ALDH5A1: variants seen among roughly 807,000 people sequenced by gnomAD.
ALDH5A1 encodes aldehyde dehydrogenase 5 family member A1.
Under a neutral mutation model 54.7 loss-of-function variants are expected in ALDH5A1, and 33 were observed. That is an observed-to-expected ratio of 0.60 (90% CI 0.46 to 0.81). The LOEUF (loss-of-function observed/expected upper bound fraction) is 0.81. ALDH5A1 is among the 30% of genes least tolerant of loss of function. The pLI is 0.00. For synonymous variants in ALDH5A1, 294 were observed against 292.7 expected (o/e 1.00, Z -0.05); for missense variants, 657 against 711.0 (o/e 0.92, Z 0.86).
At chr6:24,529,145 C>A (rs1327974823) in intron 8 of ALDH5A1, among the ~76,000 whole-genome samples, 2 of 151,984 alleles carry the variant, frequency 1.3e-5, no homozygotes, top group Non-Finnish European at 2.9e-5. Flanking sequence ...GATATTACTC[C>A]TTTATCCACT....
chr6:24,495,344 C>T lies in ALDH5A1; in HGVS notation c.348C>T (p.Ser116=), dbSNP rs911549311. Residue 116 remains serine, a synonymous_variant, in exon 1 of 10, where the codon TCC becomes TCT. Coordinates refer to ENST00000357578, the MANE Select transcript of ALDH5A1 (RefSeq NM_001080.3). ...CTTTCTGCCGCTGGAGGGAGGTCTCCGCCAAGGTGAGAGAGCCCGGATGCA... is the reference window on the plus strand; with the variant it reads ...CTTTCTGCCGCTGGAGGGAGGTCTCTGCCAAGGTGAGAGAGCCCGGATGCA... The part of the protein sequence containing the change: ...YEAFCRWREV[S]AKERSSLLRK... 3 of 1,532,772 alleles carry T rather than the reference C, an allele frequency of 2.0e-6. No individual in the cohort carries two copies. The highest frequency in any genetic ancestry group is 2.6e-6 in the Non-Finnish European group (3 of 1,146,340). The allele number at this position is 1,532,772 out of a possible 1,614,324, so 94.9% of individuals were successfully genotyped here.
chr6:24,526,923 ATATC>A (rs1232831313), intron 7 of ALDH5A1, among the ~76,000 whole-genome samples: 3 of 129,442 alleles, frequency 2.3e-5, no homozygotes, highest in East Asian at 2.0e-4. Context: ...TATTCTATAT[ATATC>A]TACTATATAT....
At chr6:24,517,335 C>T (rs550827297) in intron 5 of ALDH5A1, among the ~76,000 whole-genome samples, 2 of 152,226 alleles carry the variant, frequency 1.3e-5, no homozygotes, top group East Asian at 3.9e-4. Flanking sequence ...GTCTCCCAAC[C>T]ATAATCACTT....
intron 4 of ALDH5A1, among the ~76,000 whole-genome samples, chr6:24,506,993 G>T (rs1477976730): frequency 1.3e-5 from 2 of 152,072 alleles, no homozygotes; most frequent in African/African-American, 4.8e-5. Flanking sequence ...ATTACATTTA[G>T]TTGCCTTGTC....
chr6:24,521,936 A>G (rs1282451199), intron 6 of ALDH5A1, among the ~76,000 whole-genome samples: 1 of 142,532 alleles, frequency 7.0e-6, no homozygotes, highest in Non-Finnish European at 1.5e-5. Context: ...GCATGATGTC[A>G]GCTCACTGCA....
chr6:24,497,864 T>C (rs1228889325), intron 1 of ALDH5A1, among the ~76,000 whole-genome samples: 3 of 152,074 alleles, frequency 2.0e-5, no homozygotes, highest in Non-Finnish European at 4.4e-5. Context: ...GATTTACATT[T>C]TGAAAGGCCA....
At chr6:24,515,143 CAT>C (rs1759542639) in intron 4 of ALDH5A1, 22 bp from the exon 5 acceptor site, 3 of 1,221,112 alleles carry the variant, frequency 2.5e-6, no homozygotes, top group South Asian at 2.7e-5. Context: ...ATTGTTGGCA[CAT>C]GTTTGCTGTT....
rs1287096883 is a variant in ALDH5A1 at position 24,504,888 on chromosome 6, T to G, written c.629T>G (p.Met210Arg). The stretch of plus-strand genomic sequence containing the variant: ...CCCCAGTGGAATTTCCCCAGTGCCA[T>G]GATCACCCGGAAGGTGGGGGCCGCC... ...VITPWNFPSAMITRKVGAALA... is the reference protein window; with the variant it reads ...VITPWNFPSARITRKVGAALA... Residue 210 changes from methionine to arginine, a missense_variant, in exon 4 of 10, where the codon ATG becomes AGG. Physicochemically the swap from Met to Arg is moderately conservative, Grantham distance 91 (BLOSUM62 -1). Transcript: ENST00000357578. 6.2e-7 allele frequency: 1 copy of G among 1,614,202 alleles called. No individual in the cohort carries two copies. The highest frequency in any genetic ancestry group is 8.5e-7 in the Non-Finnish European group (1 of 1,180,016).
At chr6:24,515,037 C>T (rs941931258) in intron 4 of ALDH5A1, 130 bp from the exon 5 acceptor site, 2 of 898,114 alleles carry the variant, frequency 2.2e-6, no homozygotes, top group African/African-American at 1.7e-5. Flanking sequence ...CTTAGTCTGT[C>T]CCCAGTGTCA....
At chr6:24,505,737 G>C (rs144253706) in intron 4 of ALDH5A1, among the ~76,000 whole-genome samples, 3,796 of 152,102 alleles carry the variant, frequency 0.025, 158 homozygotes, top group African/African-American at 0.082. Context: ...GGGAGGCCAA[G>C]GTGGGCAAAT....
intron 7 of ALDH5A1, among the ~76,000 whole-genome samples, chr6:24,527,487 G>T (rs538974700): frequency 6.6e-6 from 1 of 152,114 alleles, no homozygotes; most frequent in Admixed American, 6.6e-5. Context: ...CAGGAGAATC[G>T]CTTGAACCTG....
intron 8 of ALDH5A1, 123 bp downstream of exon 8, chr6:24,528,289 T>C (rs953231332): frequency 1.7e-5 from 19 of 1,104,632 alleles, no homozygotes; most frequent in Admixed American, 8.5e-5. Context: ...GTTGAGTCCA[T>C]TGAAGAGCAG....
intron 1 of ALDH5A1, 120 bp downstream of exon 1, chr6:24,495,470 G>A (rs1490254355): frequency 2.0e-6 from 2 of 981,140 alleles, no homozygotes; most frequent in African/African-American, 1.7e-5. Context: ...GTTCCCCAGG[G>A]TATACAAAGT....
At chr6:24,505,546 C>T (rs1759322275) in intron 4 of ALDH5A1, among the ~76,000 whole-genome samples, 2 of 152,174 alleles carry the variant, frequency 1.3e-5, no homozygotes, top group Admixed American at 6.5e-5. Context: ...CAGCCTTGCC[C>T]TCCACTCAAA....
intron 8 of ALDH5A1, among the ~76,000 whole-genome samples, chr6:24,530,763 C>T (rs1759922011): frequency 6.6e-6 from 1 of 152,226 alleles, no homozygotes; most frequent in African/African-American, 2.4e-5. Flanking sequence ...GCTGGTGTAC[C>T]TGCTGGGCAC....
chr6:24,506,887 A>G (rs1759369734), intron 4 of ALDH5A1, among the ~76,000 whole-genome samples: 1 of 151,366 alleles, frequency 6.6e-6, no homozygotes, highest in African/African-American at 2.4e-5. Flanking sequence ...ATACGTTGTT[A>G]TTAACTAAAG....
Position 24,509,255 on chromosome 6 carries a change from AGATTT to A in ALDH5A1, c.726+4271_726+4275del, listed in dbSNP as rs1288177471. ...TAGAATTTTTATAGTTTCAGGTCTT[AGATTT>A]AAGTTCTTGATTCATCTTGAGTTTA... On this transcript the variant is annotated intron_variant, in intron 4 of 9. Transcript: ENST00000357578. This position sits in a 1 kb window ranked among gnomAD's most constrained non-coding sequence, Gnocchi z 4.7. 5.3e-5 allele frequency among the ~76,000 whole-genome samples: 8 copies of A among 152,192 alleles called. No homozygotes were observed. The highest frequency in any genetic ancestry group is 3.3e-4 in the Admixed American group (5 of 15,276).
At chr6:24,515,102 C>CTTTTTTTTTTTTTTTTTTTTTTATTTTT in intron 4 of ALDH5A1, 65 bp from the exon 5 acceptor site, 1 of 927,262 alleles carries the variant, frequency 1.1e-6, no homozygotes, top group Non-Finnish European at 1.5e-6. Flanking sequence ...TTTCTCTTTT[C>CTTTTTTTTTTTTTTTTTTTTTTATTTTT]TTTTTTTTTT....
rs1760061224 is a variant in ALDH5A1 at position 24,536,874 on chromosome 6, C to T, written c.*3162C>T. 6.6e-6 allele frequency: 1 copy of T among 152,628 alleles called. No homozygotes were observed. Among genetic ancestry groups the T allele is most frequent in the Admixed American group, 6.5e-5 (1 of 15,282 alleles). The allele number at this position is 152,628 out of a possible 1,614,324, so 9.5% of individuals were successfully genotyped here. A position where few individuals can be genotyped will look rare whatever the true frequency, so the allele number is the denominator to read the frequency against. On this transcript the variant is annotated 3_prime_UTR_variant, in exon 10 of 10. Transcript: ENST00000357578. ...AATAAAGATCAGAAGCAAATGTGAG[C>T]AAATCTGTTTTACTGTTAACTTCAA...
Sources: gnomAD v4.1 joint callset for allele counts (sites outside exome capture counted in the v4.1 genomes callset) on GRCh38, gnomAD v4.1.1 for gene constraint, Gnocchi (gnomAD v3.1) non-coding constraint, MANE v1.5 for transcripts, NCBI Gene and HGNC (gene_info 2026-07-23, HGNC 2026-07-21) for gene names.